Variants in CNN1 observed in about 807,000 individuals in gnomAD.
CNN1 encodes calponin 1.
In CNN1, 21 loss-of-function variants were observed where a neutral mutation model predicts 35.3. That is an observed-to-expected ratio of 0.60 (90% CI 0.42 to 0.86). CNN1 has a LOEUF of 0.86. Among genes scored for constraint, CNN1 ranks in the 40% least tolerant of loss-of-function variants. The probability of loss-of-function intolerance (pLI) is 0.00; values close to 1 mark genes in which losing one functional copy is unlikely to be tolerated. For missense variants in CNN1, 314 were observed against 400.8 expected, an observed-to-expected ratio of 0.78 and a Z score of 1.85; for synonymous variants, 164 against 161.8, an observed-to-expected ratio of 1.01 and a Z score of -0.10.
intron 2 of CNN1, among the ~76,000 whole-genome samples, chr19:11,542,856 G>A (rs1033835796): frequency 1.3e-5 from 2 of 152,154 alleles, no homozygotes; most frequent in African/African-American, 4.8e-5. Context: ...TTATAGGCGT[G>A]AGCCACCGCG....
At chr19:11,547,322 G>A (rs1266078883) in intron 4 of CNN1, among the ~76,000 whole-genome samples, 4 of 151,858 alleles carry the variant, frequency 2.6e-5, no homozygotes, top group Non-Finnish European at 5.9e-5. Context: ...GCTTGAACCC[G>A]GGAGGCGGAG....
In CNN1 at chr19:11,546,825, C is replaced by T; in HGVS notation, c.253-7C>T. On this transcript the variant is annotated splice_polypyrimidine_tract_variant and splice_region_variant and intron_variant, in intron 3 of 6. Transcript: ENST00000252456. ...CCACCCAGTGACCACCACCTGCCCC[C>T]CTCTAGCTGGAGAACATCGGCAACT... is the stretch of plus-strand genomic sequence containing the variant. 6.2e-7 allele frequency: 1 copy of T among 1,614,262 alleles called. No individual in the cohort carries two copies. Among genetic ancestry groups the T allele is most frequent in the Non-Finnish European group, 8.5e-7 (1 of 1,180,046 alleles).
Position 11,549,171 on chromosome 19 carries a change from G to A in CNN1, c.502-152G>A, listed in dbSNP as rs1364652724. 4.8e-6 allele frequency: 4 copies of A among 826,298 alleles called. No homozygotes were observed. The highest frequency in any genetic ancestry group is 3.5e-6 in the Non-Finnish European group (2 of 567,450). The allele number at this position is 826,298 out of a possible 1,614,324, so 51.2% of individuals were successfully genotyped here. On this transcript the variant is annotated intron_variant, in intron 5 of 6. Coordinates refer to ENST00000252456, the MANE Select transcript of CNN1 (RefSeq NM_001299.6). The surrounding 1 kb of genome is among the most constrained non-coding windows in gnomAD (Gnocchi z 5.2). ...TCACTGCACTCCAGCCTGGGCAACAGAGCAAGACTCCGTCTCAAAAAAAAA... is the reference window on the plus strand; with the variant it reads ...TCACTGCACTCCAGCCTGGGCAACAAAGCAAGACTCCGTCTCAAAAAAAAA...
At chr19:11,543,546 T>G (rs1259939356) in intron 2 of CNN1, among the ~76,000 whole-genome samples, 1 of 151,568 alleles carries the variant, frequency 6.6e-6, no homozygotes, top group Non-Finnish European at 1.5e-5. Flanking sequence ...TTTGGGAGGC[T>G]GAGGCAGGCG....
Position 11,549,403 on chromosome 19 carries a change from C to T in CNN1, c.582C>T (p.Gly194=), listed in dbSNP as rs749495345. Residue 194 remains glycine, a synonymous_variant, in exon 6 of 7, where the codon GGC becomes GGT. Transcript: ENST00000252456. The surrounding 1 kb of genome is among the most constrained non-coding windows in gnomAD (Gnocchi z 5.2). ...TRRHLYDPKL[G]TDQPLDQATI... ...GCCACCTCTACGACCCCAAGCTGGG[C>T]ACAGACCAGCCTCTGGACCAGGCGA... is the stretch of plus-strand genomic sequence containing the variant. 5 of 1,613,484 alleles carry T rather than the reference C, an allele frequency of 3.1e-6. No individual in the cohort carries two copies. In the East Asian group the frequency reaches 8.9e-5, roughly 29 times the overall value.
chr19:11,549,904 C>T lies in CNN1; in HGVS notation c.*109C>T, dbSNP rs1972684256. The stretch of plus-strand genomic sequence containing the variant: ...CTCCCTGCATGGCATCCTCCAGCCC[C>T]TGTAGAACTCAACCTCTACAGGGTT... On this transcript the variant is annotated 3_prime_UTR_variant, in exon 7 of 7. Coordinates refer to ENST00000252456, the MANE Select transcript of CNN1 (RefSeq NM_001299.6). This position sits in a 1 kb window ranked among gnomAD's most constrained non-coding sequence, Gnocchi z 5.2. The T allele has an allele frequency of 6.9e-7, 1 of 1,455,840 alleles. No homozygotes were observed. Among genetic ancestry groups the T allele is most frequent in the East Asian group, 2.3e-5 (1 of 43,620 alleles). 90.2% of individuals were successfully genotyped at this position (1,455,840 alleles called of 1,614,324 possible). A position where few individuals can be genotyped will look rare whatever the true frequency, so the allele number is the denominator to read the frequency against.
Position 11,549,302 on chromosome 19 carries a change from A to T in CNN1, c.502-21A>T. 6.2e-7 allele frequency: 1 copy of T among 1,613,640 alleles called. No individual in the cohort carries two copies. The highest frequency in any genetic ancestry group is 8.5e-7 in the Non-Finnish European group (1 of 1,179,698). ...GATGAGGTCTGTAATTATTGGTGTG[A>T]TTCTCCTTCTGGCTTCCTAGATGGG... On this transcript the variant is annotated intron_variant, in intron 5 of 6. Transcript: ENST00000252456. The surrounding 1 kb of genome is among the most constrained non-coding windows in gnomAD (Gnocchi z 5.2).
chr19:11,547,208 C>T (rs1180561647), intron 4 of CNN1, among the ~76,000 whole-genome samples: 1 of 151,646 alleles, frequency 6.6e-6, no homozygotes, highest in Non-Finnish European at 1.5e-5. Context: ...ACCAGTCTGG[C>T]CAACATGGTG....
At chr19:11,547,120 G>A (rs1203135403) in intron 4 of CNN1, 151 bp downstream of exon 4, 1 of 1,162,264 alleles carries the variant, frequency 8.6e-7, no homozygotes, top group Non-Finnish European at 1.2e-6. Context: ...AAGGGGGCCG[G>A]GCGCGGTCGC....
Position 11,549,335 on chromosome 19 carries a change from A to C in CNN1, c.514A>C (p.Lys172Gln). 1 of 1,614,164 alleles carries C rather than the reference A, an allele frequency of 6.2e-7. No individual in the cohort carries two copies. Among genetic ancestry groups the C allele is most frequent in the Non-Finnish European group, 8.5e-7 (1 of 1,180,018 alleles). ...NIIGLQMGTNKFASQQGMTAY... is the reference protein window; with the variant it reads ...NIIGLQMGTNQFASQQGMTAY... ...TCTGGCTTCCTAGATGGGCACCAAC[A>C]AGTTTGCCAGCCAGCAGGGCATGAC... The change falls in exon 6 of 7, where the codon AAG becomes CAG. Residue 172 changes from lysine (K) to glutamine (Q), a missense_variant. Lys to Gln is a moderately conservative substitution (Grantham distance 53). Transcript: ENST00000252456. The surrounding 1 kb of genome is among the most constrained non-coding windows in gnomAD (Gnocchi z 5.2).
chr19:11,541,486 G>A (rs953096929), intron 2 of CNN1, among the ~76,000 whole-genome samples: 1 of 152,196 alleles, frequency 6.6e-6, no homozygotes, highest in African/African-American at 2.4e-5. Flanking sequence ...CAGAAAGAGC[G>A]GTCACAGCTA....
rs551019054 is a variant in CNN1 at position 11,547,481 on chromosome 19, C to T, written c.391-316C>T. On this transcript the variant is annotated intron_variant, in intron 4 of 6. Coordinates refer to ENST00000252456, the MANE Select transcript of CNN1 (RefSeq NM_001299.6). ...ATCCCAGCACTTTGGGAGGCCGAGACAGGTGGATCACAAGGTCAGGAGATT... is the reference window on the plus strand; with the variant it reads ...ATCCCAGCACTTTGGGAGGCCGAGATAGGTGGATCACAAGGTCAGGAGATT... Among the ~76,000 whole-genome samples the T allele has an allele frequency of 2.0e-5, 3 of 152,196 alleles. No homozygotes were observed. In the South Asian group the frequency reaches 6.2e-4, roughly 32 times the overall value.
At chr19:11,544,196 T>C (rs1047172700) in intron 2 of CNN1, among the ~76,000 whole-genome samples, 28 of 151,932 alleles carry the variant, frequency 1.8e-4, no homozygotes, top group African/African-American at 6.0e-4. Flanking sequence ...GTCAGGTATA[T>C]GTCTGCGGGT....
At chr19:11,547,645 G>A in intron 4 of CNN1, 152 bp from the exon 5 acceptor site, 4 of 534,414 alleles carry the variant, frequency 7.5e-6, no homozygotes, top group East Asian at 3.6e-5. Context: ...GCCGGGAGGC[G>A]GAGCTTGCAG....
Position 11,549,808 on chromosome 19 carries a change from T to A in CNN1, c.*13T>A. The A allele has an allele frequency of 8.2e-6, 13 of 1,587,018 alleles. No individual in the cohort carries two copies. Among genetic ancestry groups the A allele is most frequent in the Non-Finnish European group, 1.1e-5 (13 of 1,161,952 alleles). ...CAATTCCGCCTAGGGCCACAAGGCC[T>A]TCCCTGTTTTCCCCCCAAGGGAGGC... On this transcript the variant is annotated 3_prime_UTR_variant, in exon 7 of 7. Coordinates refer to ENST00000252456, the MANE Select transcript of CNN1 (RefSeq NM_001299.6). The surrounding 1 kb of genome is among the most constrained non-coding windows in gnomAD (Gnocchi z 5.2).
intron 1 of CNN1, chr19:11,539,837 G>C: frequency 4.2e-6 from 5 of 1,185,474 alleles, no homozygotes; most frequent in Non-Finnish European, 5.3e-6. Context: ...GCGGGTCCTC[G>C]GGCGAGAGAC....
intron 2 of CNN1, among the ~76,000 whole-genome samples, chr19:11,545,825 G>A (rs987992939): frequency 6.8e-6 from 1 of 147,470 alleles, no homozygotes; most frequent in Non-Finnish European, 1.5e-5. Flanking sequence ...AAAAAGCCAG[G>A]CATGGTGGTG....
chr19:11,547,702 G>A, intron 4 of CNN1, 95 bp from the exon 5 acceptor site: 1 of 974,480 alleles, frequency 1.0e-6, no homozygotes, highest in Non-Finnish European at 1.5e-6. Flanking sequence ...AACAGAGCGA[G>A]ACTCTGTGTC....
At chr19:11,539,451 C>T (rs1026669234) in intron 1 of CNN1, 10 of 1,081,434 alleles carry the variant, frequency 9.2e-6, no homozygotes, top group Non-Finnish European at 9.0e-6. Flanking sequence ...ATCAGAAGTG[C>T]GGCAGGGGTC....
Sources: gnomAD v4.1 joint callset for allele counts (sites outside exome capture counted in the v4.1 genomes callset) on GRCh38, gnomAD v4.1.1 for gene constraint, Gnocchi (gnomAD v3.1) non-coding constraint, MANE v1.5 for transcripts, NCBI Gene and HGNC (gene_info 2026-07-23, HGNC 2026-07-21) for gene names.